ETV6: variants seen among roughly 807,000 people sequenced by gnomAD.
ETV6 encodes transcription factor ETV6.
ETV6 carries 16 observed loss-of-function variants against 51.1 expected under a neutral mutation model. The observed-to-expected ratio is 0.31, with a 90% CI of 0.21 to 0.48. The LOEUF is 0.48. ETV6 is among the 20% of genes least tolerant of loss of function. The pLI, the probability that ETV6 is intolerant of heterozygous loss-of-function variation, is 0.99. For synonymous variants in ETV6, 240 were observed against 224.1 expected (o/e 1.07, Z -0.64); for missense variants, 458 against 594.8 (o/e 0.77, Z 2.39).
chr12:11,768,718 A>G (rs555349331), intron 2 of ETV6, among the ~76,000 whole-genome samples: 1 of 152,308 alleles, frequency 6.6e-6, no homozygotes, highest in South Asian at 2.1e-4. Flanking sequence ...CTGAGCAAAC[A>G]TCACCCTTGC....
chr12:11,828,984 T>C (rs1434244328), intron 2 of ETV6, among the ~76,000 whole-genome samples: 1 of 152,164 alleles, frequency 6.6e-6, no homozygotes, highest in Non-Finnish European at 1.5e-5. Context: ...GCCTGGGGCC[T>C]GAGCGGGCAC....
At position 11,895,301 on chromosome 12, in the gene ETV6, A is replaced by AAC; in HGVS notation, c.*4256_*4257insCA. On this transcript the variant is annotated 3_prime_UTR_variant, in exon 8 of 8. Coordinates refer to ENST00000396373, the MANE Select transcript of ETV6 (RefSeq NM_001987.5). Reference sequence around the variant, plus strand: ...ATGTAACAAAAAAGAAAAAAAAAACAAAAAAAAATGCCTTTTCTCAGGGCC... The same window carrying AAC: ...ATGTAACAAAAAAGAAAAAAAAAACAACAAAAAAAATGCCTTTTCTCAGGGCC... 9.0e-6 allele frequency: 2 copies of AAC among 223,418 alleles called. No homozygotes were observed. The highest frequency in any genetic ancestry group is 8.9e-6 in the Non-Finnish European group (1 of 112,202). 13.8% of individuals were successfully genotyped at this position (223,418 alleles called of 1,614,324 possible). A position where few individuals can be genotyped will look rare whatever the true frequency, so the allele number is the denominator to read the frequency against.
At position 11,839,295 on chromosome 12, in the gene ETV6, C is replaced by T; in HGVS notation, c.319C>T (p.Pro107Ser). Residue 107 changes from proline to serine, a missense_variant, in exon 3 of 8, where the codon CCT (proline) becomes TCT (serine). Coordinates refer to ENST00000396373, the MANE Select transcript of ETV6 (RefSeq NM_001987.5). ...CAAAGAGGACTTTCGCTATCGATCTCCTCATTCAGGTGAGAGTCTGGACTC... is the reference window on the plus strand; with the variant it reads ...CAAAGAGGACTTTCGCTATCGATCTTCTCATTCAGGTGAGAGTCTGGACTC... ...LTKEDFRYRS[P>S]HSGDVLYELL... The T allele has an allele frequency of 2.5e-6, 4 of 1,613,462 alleles. No homozygotes were observed. The highest frequency in any genetic ancestry group is 3.4e-6 in the Non-Finnish European group (4 of 1,179,584).
At chr12:11,813,057 A>G (rs1397141572) in intron 2 of ETV6, among the ~76,000 whole-genome samples, 4 of 152,184 alleles carry the variant, frequency 2.6e-5, no homozygotes, top group African/African-American at 9.7e-5. Flanking sequence ...CGGGATGTCT[A>G]TGCTGTGCTG....
intron 5 of ETV6, among the ~76,000 whole-genome samples, chr12:11,881,366 G>C (rs1031137561): frequency 6.6e-6 from 1 of 152,118 alleles, no homozygotes; most frequent in African/African-American, 2.4e-5. Flanking sequence ...GAAATATTAA[G>C]CCACAGCTGA....
intron 4 of ETV6, among the ~76,000 whole-genome samples, chr12:11,866,468 A>T (rs747420839): frequency 2.0e-5 from 3 of 152,216 alleles, no homozygotes; most frequent in Non-Finnish European, 4.4e-5. Context: ...ATTGTGTTCT[A>T]TTCCACTGAA....
chr12:11,857,383 C>T (rs1314667877), intron 4 of ETV6, among the ~76,000 whole-genome samples: 1 of 152,176 alleles, frequency 6.6e-6, no homozygotes, highest in Non-Finnish European at 1.5e-5. Flanking sequence ...AATTCAAACT[C>T]TCTATATGTG....
chr12:11,673,375 T>A (rs1271644500), intron 1 of ETV6, among the ~76,000 whole-genome samples: 1 of 152,204 alleles, frequency 6.6e-6, no homozygotes, highest in Non-Finnish European at 1.5e-5. Context: ...GGGCTCATAC[T>A]ACAAATCAGA....
intron 5 of ETV6, among the ~76,000 whole-genome samples, chr12:11,871,044 G>A (rs537060163): frequency 1.3e-5 from 2 of 152,214 alleles, no homozygotes; most frequent in Admixed American, 6.5e-5. Context: ...GGAGAGAACG[G>A]ACCTGTTCAG....
intron 1 of ETV6, among the ~76,000 whole-genome samples, chr12:11,722,153 C>T (rs1865400559): frequency 6.6e-6 from 1 of 152,164 alleles, no homozygotes; most frequent in African/African-American, 2.4e-5. Flanking sequence ...ATAGATAATC[C>T]CAGTGTCTTG....
intron 2 of ETV6, among the ~76,000 whole-genome samples, chr12:11,758,643 T>G (rs1343855105): frequency 6.6e-6 from 1 of 152,162 alleles, no homozygotes; most frequent in Non-Finnish European, 1.5e-5. Flanking sequence ...TCTGTGAATC[T>G]CCTTCAGCCT....
intron 1 of ETV6, among the ~76,000 whole-genome samples, chr12:11,718,582 A>G (rs1865322936): frequency 6.6e-6 from 1 of 151,118 alleles, no homozygotes; most frequent in South Asian, 2.1e-4. Context: ...CCTGGGCAAC[A>G]TGACGAAACC....
At chr12:11,858,274 C>T (rs1946661930) in intron 4 of ETV6, among the ~76,000 whole-genome samples, 1 of 152,118 alleles carries the variant, frequency 6.6e-6, no homozygotes, top group Admixed American at 6.6e-5. Flanking sequence ...GGCAAAGCAT[C>T]TTTAGAAATA....
intron 1 of ETV6, among the ~76,000 whole-genome samples, chr12:11,704,845 A>C (rs1167225401): frequency 6.6e-6 from 1 of 152,094 alleles, no homozygotes; most frequent in Non-Finnish European, 1.5e-5. Context: ...TTCCTAATAG[A>C]ATATAGTTTT....
intron 1 of ETV6, among the ~76,000 whole-genome samples, chr12:11,732,597 A>G (rs1336318958): frequency 6.6e-6 from 1 of 152,114 alleles, no homozygotes. Context: ...TTTTTCTGCC[A>G]TCGTGCACTG....
intron 2 of ETV6, among the ~76,000 whole-genome samples, chr12:11,818,068 G>A (rs116889370): frequency 0.027 from 4,137 of 152,270 alleles, 133 homozygotes; most frequent in South Asian, 0.15. Flanking sequence ...GTGTTGGGAG[G>A]TGTGTATCTG....
chr12:11,662,150 A>G (rs1864111645), intron 1 of ETV6, among the ~76,000 whole-genome samples: 1 of 152,208 alleles, frequency 6.6e-6, no homozygotes. Context: ...TAGAAAATGA[A>G]CAAGGAGCCA....
intron 1 of ETV6, among the ~76,000 whole-genome samples, chr12:11,669,087 C>T (rs1864253318): frequency 6.6e-6 from 1 of 152,214 alleles, no homozygotes; most frequent in South Asian, 2.1e-4. Flanking sequence ...TAAAAGTTTT[C>T]CTTAAACTTG....
At chr12:11,765,350 C>T (rs1945147457) in intron 2 of ETV6, among the ~76,000 whole-genome samples, 1 of 152,156 alleles carries the variant, frequency 6.6e-6, no homozygotes, top group South Asian at 2.1e-4. Flanking sequence ...CGTCTTAGAT[C>T]CTCATCTGTC....
Sources: gnomAD v4.1 joint callset for allele counts (sites outside exome capture counted in the v4.1 genomes callset) on GRCh38, gnomAD v4.1.1 for gene constraint, MANE v1.5 for transcripts, NCBI Gene and HGNC (gene_info 2026-07-23, HGNC 2026-07-21) for gene names.